The following MAGI2 variants were observed in gnomAD, a reference collection of about 807,000 sequenced individuals.
The protein encoded by MAGI2 is membrane-associated guanylate kinase, WW and PDZ domain-containing protein 2.
MAGI2 carries 35 observed loss-of-function variants against 133.3 expected under a neutral mutation model. That is an observed-to-expected ratio of 0.26 (90% CI 0.20 to 0.35). MAGI2 has a LOEUF of 0.35. Among genes scored for constraint, MAGI2 ranks in the 10% least tolerant of loss-of-function variants. The pLI is 1.00. For missense variants in MAGI2, 1,636 were observed against 1,863.4 expected (o/e 0.88, Z 2.25); for synonymous variants, 729 against 710.6 (o/e 1.03, Z -0.41).
At chr7:78,167,727 G>T (rs886347490) in intron 15 of MAGI2, among the ~76,000 whole-genome samples, 189 bp downstream of exon 15, 1 of 152,176 alleles carries the variant, frequency 6.6e-6, no homozygotes, top group Non-Finnish European at 1.5e-5. Context: ...TCAAAGACTG[G>T]ATTTTTGTCC....
intron 1 of MAGI2, among the ~76,000 whole-genome samples, chr7:79,070,645 C>T (rs1814873077): frequency 6.6e-6 from 1 of 151,792 alleles, no homozygotes; most frequent in South Asian, 2.1e-4. Flanking sequence ...GCGCCCACCA[C>T]CACACCCAGC....
At chr7:79,129,870 C>T (rs1820757216) in intron 1 of MAGI2, among the ~76,000 whole-genome samples, 1 of 152,160 alleles carries the variant, frequency 6.6e-6, no homozygotes, top group South Asian at 2.1e-4. Flanking sequence ...CAATGAAATG[C>T]TGCACATTTC....
chr7:78,907,164 G>A lies in MAGI2; in HGVS notation c.418+99926C>T, dbSNP rs557216158. ...CTGGGTAGAGAATGTTCCGAAGAGA[G>A]GACAGAAGCCCAAAAGCCCTCTTTA... On this transcript the variant is annotated intron_variant, in intron 2 of 21. Transcript: ENST00000354212. 2.0e-5 allele frequency among the ~76,000 whole-genome samples: 3 copies of A among 152,282 alleles called. No homozygotes were observed. In the South Asian group the frequency reaches 6.2e-4, roughly 32 times the overall value.
chr7:78,122,075 G>C (rs1820524318), intron 20 of MAGI2, among the ~76,000 whole-genome samples: 1 of 152,154 alleles, frequency 6.6e-6, no homozygotes, highest in African/African-American at 2.4e-5. Flanking sequence ...ACACACATCT[G>C]TGGTAACAAC....
intron 1 of MAGI2, among the ~76,000 whole-genome samples, chr7:79,249,545 C>T (rs1026975316): frequency 6.6e-6 from 1 of 151,862 alleles, no homozygotes; most frequent in Non-Finnish European, 1.5e-5. Flanking sequence ...ATTGGAAAAC[C>T]TAGAAAATAG....
intron 2 of MAGI2, among the ~76,000 whole-genome samples, chr7:78,892,207 C>T (rs1011202521): frequency 6.6e-6 from 1 of 152,122 alleles, no homozygotes; most frequent in African/African-American, 2.4e-5. Flanking sequence ...GAACTACAAA[C>T]CACTGCTCAA....
intron 2 of MAGI2, among the ~76,000 whole-genome samples, chr7:78,809,828 T>C (rs1788889306): frequency 6.6e-6 from 1 of 152,126 alleles, no homozygotes; most frequent in African/African-American, 2.4e-5. Context: ...CTTAAACAGA[T>C]TGTTTGGCAT....
At chr7:78,439,952 T>C (rs1335675132) in intron 6 of MAGI2, among the ~76,000 whole-genome samples, 1 of 152,090 alleles carries the variant, frequency 6.6e-6, no homozygotes, top group African/African-American at 2.4e-5. Flanking sequence ...CACAAGAGAA[T>C]ATTTTGGCTA....
At chr7:79,322,724 T>C (rs962767526) in intron 1 of MAGI2, among the ~76,000 whole-genome samples, 1 of 150,050 alleles carries the variant, frequency 6.7e-6, no homozygotes. Flanking sequence ...AGGCAGAGGT[T>C]GCGGTGAGCT....
At chr7:78,329,644 A>T (rs545561209) in intron 9 of MAGI2, among the ~76,000 whole-genome samples, 1 of 152,278 alleles carries the variant, frequency 6.6e-6, no homozygotes, top group South Asian at 2.1e-4. Context: ...CCCTCCTCAG[A>T]CTTTTCTTTT....
intron 16 of MAGI2, among the ~76,000 whole-genome samples, chr7:78,151,293 T>G (rs774942950): frequency 1.3e-5 from 2 of 152,108 alleles, no homozygotes; most frequent in Non-Finnish European, 2.9e-5. Context: ...TGAAATGGGT[T>G]GCTTTGTTAA....
intron 1 of MAGI2, among the ~76,000 whole-genome samples, chr7:79,352,135 A>G (rs1841733088): frequency 6.6e-6 from 1 of 152,190 alleles, no homozygotes; most frequent in Non-Finnish European, 1.5e-5. Flanking sequence ...CTTTTGAGCA[A>G]AAAAAGAAAA....
Position 78,800,212 on chromosome 7 carries a change from T to C in MAGI2, c.419-172973A>G, listed in dbSNP as rs541234333. On this transcript the variant is annotated intron_variant, in intron 2 of 21. Coordinates refer to ENST00000354212, the MANE Select transcript of MAGI2 (RefSeq NM_012301.4). ...AGTTATTGAATTGGTCCAGGTAGAC[T>C]AACTTTTATAACAAACAACCCTAAA... Among the ~76,000 whole-genome samples the C allele has an allele frequency of 7.3e-4, 111 of 152,292 alleles. 1 individual carries two copies. The highest frequency in any genetic ancestry group is 3.5e-3 in the Admixed American group (54 of 15,294).
At chr7:78,486,854 T>C (rs1793069338) in intron 6 of MAGI2, 1 of 493,620 alleles carries the variant, frequency 2.0e-6, no homozygotes, top group Non-Finnish European at 4.0e-6. Context: ...ACAGCAAAGA[T>C]GTACAGAGGT....
chr7:79,381,904 A>G (rs185708392), intron 1 of MAGI2, among the ~76,000 whole-genome samples: 2 of 151,814 alleles, frequency 1.3e-5, no homozygotes. Flanking sequence ...AAATATCACT[A>G]TTAAACTGAA....
rs941450720 is a variant in MAGI2 at position 79,453,647 on chromosome 7, G to C, written c.-327C>G. Reference sequence around the variant, plus strand: ...GCGGCGGCAGCCGGAGCGAGCAGTAGCCGAGCTGGTGAGCGGGTGTGGTGG... The same window carrying C: ...GCGGCGGCAGCCGGAGCGAGCAGTACCCGAGCTGGTGAGCGGGTGTGGTGG... On this transcript the variant is annotated 5_prime_UTR_variant, in exon 1 of 22. Transcript: ENST00000354212. 5.1e-6 allele frequency: 3 copies of C among 591,584 alleles called. No individual in the cohort carries two copies. Among genetic ancestry groups the C allele is most frequent in the Non-Finnish European group, 6.6e-6 (3 of 455,100 alleles). 36.6% of individuals were successfully genotyped at this position (591,584 alleles called of 1,614,324 possible).
At chr7:79,244,877 G>T (rs1585310482) in intron 1 of MAGI2, among the ~76,000 whole-genome samples, 1 of 152,182 alleles carries the variant, frequency 6.6e-6, no homozygotes, top group South Asian at 2.1e-4. Context: ...AGTGGGGAGA[G>T]TAAAGAGGAC....
At chr7:78,108,660 G>GTATACACACATATA (rs1818950907) in intron 20 of MAGI2, among the ~76,000 whole-genome samples, 2 of 122,594 alleles carry the variant, frequency 1.6e-5, no homozygotes, top group African/African-American at 5.4e-5. Flanking sequence ...GTGTGTGTGT[G>GTATACACACATATA]TGTGTGTGTA....
intron 1 of MAGI2, among the ~76,000 whole-genome samples, chr7:79,251,490 G>T (rs1415146298): frequency 6.6e-6 from 1 of 152,094 alleles, no homozygotes; most frequent in Non-Finnish European, 1.5e-5. Context: ...AAGAAAAGGT[G>T]CTCCACATCA....
Sources: allele counts gnomAD v4.1 joint callset (sites outside exome capture counted in the v4.1 genomes callset), GRCh38; gene constraint gnomAD v4.1.1; transcripts MANE v1.5; gene names NCBI Gene and HGNC (gene_info 2026-07-23, HGNC 2026-07-21).